Variants in ACTR3C observed in about 807,000 individuals in gnomAD.
ACTR3C encodes actin-related protein 3C.
ACTR3C carries 18 observed loss-of-function variants against 26.3 expected under a neutral mutation model. The observed-to-expected ratio is 0.68, with a 90% confidence interval of 0.47 to 1.01. The LOEUF is 1.01. ACTR3C is among the 50% of genes least tolerant of loss of function. The pLI is 0.00. For missense variants in ACTR3C, 184 were observed against 250.7 expected (o/e 0.73, Z 1.80); for synonymous variants, 55 against 94.5 (o/e 0.58, Z 2.42).
the ACTR3C span, among the ~76,000 whole-genome samples, chr7:150,052,077 G>A: frequency 9.2e-5 from 14 of 152,040 alleles, no homozygotes; most frequent in Admixed American, 5.9e-4. Flanking sequence ...TACTCTGAAG[G>A]AAGGTCTTCC....
the ACTR3C span, among the ~76,000 whole-genome samples, chr7:150,096,947 C>T: frequency 1.3e-5 from 2 of 152,202 alleles, no homozygotes; most frequent in African/African-American, 4.8e-5. Context: ...AAAAGATGCC[C>T]CTGGCAAGGC....
intron 6 of ACTR3C, among the ~76,000 whole-genome samples, chr7:150,276,385 C>G (rs1469065404): frequency 6.6e-6 from 1 of 152,168 alleles, no homozygotes; most frequent in African/African-American, 2.4e-5. Flanking sequence ...AAGACCACCA[C>G]AGGTTAAGAG....
chr7:149,992,633 G>A, the ACTR3C span, among the ~76,000 whole-genome samples: 2 of 152,196 alleles, frequency 1.3e-5, no homozygotes, highest in Non-Finnish European at 2.9e-5. Context: ...TTCCAGAAAG[G>A]CAAGGCCACA....
the ACTR3C span, among the ~76,000 whole-genome samples, chr7:150,022,730 A>G: frequency 6.6e-6 from 1 of 152,152 alleles, no homozygotes; most frequent in African/African-American, 2.4e-5. Flanking sequence ...ATGAATTTAT[A>G]TTGGAAAGTT....
At chr7:150,173,749 C>T in the ACTR3C span, among the ~76,000 whole-genome samples, 2 of 142,244 alleles carry the variant, frequency 1.4e-5, no homozygotes, top group African/African-American at 2.9e-5. Flanking sequence ...TCTTTAACAG[C>T]ACCCAAGTTA....
At chr7:149,924,745 C>T in the ACTR3C span, among the ~76,000 whole-genome samples, 14 of 151,298 alleles carry the variant, frequency 9.3e-5, no homozygotes, top group African/African-American at 2.9e-4. Flanking sequence ...CCTGCCTCAA[C>T]CTCCCATGTA....
At chr7:149,882,661 G>T in the ACTR3C span, among the ~76,000 whole-genome samples, 1,065 of 152,324 alleles carry the variant, frequency 7.0e-3, 14 homozygotes, top group African/African-American at 0.024. Flanking sequence ...GGGTAAGTAG[G>T]TCTGTCAAAG....
At chr7:150,033,605 C>T in the ACTR3C span, among the ~76,000 whole-genome samples, 1 of 151,660 alleles carries the variant, frequency 6.6e-6, no homozygotes, top group Non-Finnish European at 1.5e-5. Flanking sequence ...GGAGGTGCCT[C>T]CCCCCGCTGC....
chr7:150,179,998 T>C, the ACTR3C span, among the ~76,000 whole-genome samples: 1,906 of 128,860 alleles, frequency 0.015, 101 homozygotes, highest in African/African-American at 0.045. Flanking sequence ...TTTCAAGACA[T>C]ATTTCTTAAA....
chr7:150,176,574 G>A, the ACTR3C span, among the ~76,000 whole-genome samples: 4 of 150,672 alleles, frequency 2.7e-5, no homozygotes, highest in African/African-American at 5.0e-5. Context: ...ATACCTCTCC[G>A]GTTGTTTCAT....
the ACTR3C span, among the ~76,000 whole-genome samples, chr7:149,985,207 A>AC: frequency 7.6e-6 from 1 of 130,848 alleles, no homozygotes; most frequent in Non-Finnish European, 1.6e-5. Context: ...CAAACAAAGC[A>AC]ACACACACAC....
chr7:149,969,102 C>T, the ACTR3C span, among the ~76,000 whole-genome samples: 1 of 152,134 alleles, frequency 6.6e-6, no homozygotes, highest in Non-Finnish European at 1.5e-5. Flanking sequence ...CTACAGCAAC[C>T]ACAGACATCA....
intron 1 of ACTR3C, among the ~76,000 whole-genome samples, chr7:150,316,387 G>C (rs1453016065): frequency 6.6e-6 from 1 of 151,886 alleles, no homozygotes; most frequent in African/African-American, 2.4e-5. Flanking sequence ...TATGTGTCAG[G>C]GCTTGTTCCT....
the ACTR3C span, among the ~76,000 whole-genome samples, chr7:150,012,478 C>G: frequency 2.0e-5 from 3 of 150,788 alleles, no homozygotes; most frequent in African/African-American, 2.4e-5. Context: ...CCATGCCCGG[C>G]TAATTTTTTT....
chr7:150,199,724 T>TAAAAAAAAAAAAAAA, the ACTR3C span, among the ~76,000 whole-genome samples: 2 of 19,128 alleles, frequency 1.0e-4, no homozygotes. Context: ...AATATTTTTA[T>TAAAAAAAAAAAAAAA]CAAAAAAAAA....
the ACTR3C span, among the ~76,000 whole-genome samples, chr7:150,039,555 G>A: frequency 0.027 from 2,284 of 83,480 alleles, no homozygotes; most frequent in East Asian, 0.092. Context: ...GAGCCAGGGG[G>A]GGAAGAGGGA....
the ACTR3C span, among the ~76,000 whole-genome samples, chr7:149,976,023 G>A: frequency 2.0e-5 from 3 of 152,168 alleles, no homozygotes; most frequent in Non-Finnish European, 4.4e-5. Context: ...CCTTTCGTTG[G>A]ACTAGACTTC....
At chr7:150,293,703 A>C (rs1489435350) in intron 2 of ACTR3C, among the ~76,000 whole-genome samples, 4 of 152,258 alleles carry the variant, frequency 2.6e-5, no homozygotes, top group Non-Finnish European at 4.4e-5. Context: ...TGGGAGGCCA[A>C]GGTAGGCAGA....
At chr7:150,023,648 GT>G in the ACTR3C span, among the ~76,000 whole-genome samples, 1 of 150,782 alleles carries the variant, frequency 6.6e-6, no homozygotes, top group Non-Finnish European at 1.5e-5. Flanking sequence ...ACTAATGGAT[GT>G]GGGGAGATTT....
Sources: allele counts gnomAD v4.1 joint callset (sites outside exome capture counted in the v4.1 genomes callset), GRCh38; gene constraint gnomAD v4.1.1; transcripts MANE v1.5; gene names NCBI Gene and HGNC (gene_info 2026-07-23, HGNC 2026-07-21).